ZNF75A: variants seen among roughly 807,000 people sequenced by gnomAD.
The protein encoded by ZNF75A is zinc finger protein 75A.
A neutral mutation model predicts 46.3 loss-of-function variants in ZNF75A; 36 were observed. That is an observed-to-expected ratio of 0.78 (90% confidence interval 0.60 to 1.03). ZNF75A has a LOEUF of 1.03. Ranked by LOEUF, ZNF75A falls within the 50% of genes least tolerant of loss-of-function variation. The probability of loss-of-function intolerance (pLI) is 0.00; values close to 1 mark genes in which losing one functional copy is unlikely to be tolerated. For missense variants in ZNF75A, 595 were observed against 551.3 expected, an observed-to-expected ratio of 1.08 and a Z score of -0.79; for synonymous variants, 234 against 189.9, an observed-to-expected ratio of 1.23 and a Z score of -1.91.
At chr16:3,306,432 G>A (rs1960247312) in intron 1 of ZNF75A, 1 of 152,120 alleles carries the variant, frequency 6.6e-6, no homozygotes, top group Non-Finnish European at 1.5e-5. Flanking sequence ...AATTCATATA[G>A]GCCTGGCGCG....
At position 3,317,833 on chromosome 16, in the gene ZNF75A, G is replaced by A; in HGVS notation, c.1578G>A (p.Arg526=). The change falls in exon 7 of 7, where the codon CGG becomes CGA. Residue 526 remains arginine (R), a synonymous_variant. Transcript: ENST00000669516. ...TATGCAGGAGAAACTTCAGCAGGCG[G>A]TCAAGCCTTCTTAGACACCAGAAAC... The part of the protein sequence containing the change: ...CSICRRNFSR[R]SSLLRHQKLH... The A allele has an allele frequency of 6.2e-7, 1 of 1,613,090 alleles. No homozygotes were observed. Among genetic ancestry groups the A allele is most frequent in the African/African-American group, 1.3e-5 (1 of 75,030 alleles).
intron 5 of ZNF75A, among the ~76,000 whole-genome samples, chr16:3,313,882 C>G (rs115507948): frequency 0.017 from 2,631 of 152,300 alleles, 80 homozygotes; most frequent in African/African-American, 0.06. Flanking sequence ...AGCCCTTGCT[C>G]AGTCCTCACC....
At chr16:3,314,200 G>T (rs1441959268) in intron 5 of ZNF75A, among the ~76,000 whole-genome samples, 2 of 152,042 alleles carry the variant, frequency 1.3e-5, no homozygotes, top group African/African-American at 4.8e-5. Context: ...CTCTTAAAAA[G>T]GTGTCCTATC....
downstream of ZNF75A, among the ~76,000 whole-genome samples, chr16:3,320,420 C>T (rs112303049): frequency 4.6e-5 from 7 of 152,200 alleles, no homozygotes; most frequent in African/African-American, 1.7e-4. Flanking sequence ...TGGACCTTTC[C>T]ATTTTCATTC....
intron 5 of ZNF75A, among the ~76,000 whole-genome samples, chr16:3,313,958 A>G (rs938142704): frequency 2.8e-4 from 43 of 151,948 alleles, no homozygotes; most frequent in African/African-American, 9.7e-4. Context: ...CTCTTGTTTC[A>G]TTTTATTTGG....
chr16:3,308,422 G>A lies in ZNF75A; in HGVS notation c.-7G>A. 1 of 985,896 alleles carries A rather than the reference G, an allele frequency of 1.0e-6. No homozygotes were observed. Among genetic ancestry groups the A allele is most frequent in the Non-Finnish European group, 1.2e-6 (1 of 829,958 alleles). The allele number at this position is 985,896 out of a possible 1,614,324, so 61.1% of individuals were successfully genotyped here. ...CTTAACACAGGAGCAGAACTTCCTAGAGCAGAATGATGATGGTAGATCTGA... is the reference window on the plus strand; with the variant it reads ...CTTAACACAGGAGCAGAACTTCCTAAAGCAGAATGATGATGGTAGATCTGA... On this transcript the variant is annotated 5_prime_UTR_variant, in exon 2 of 7. Transcript: ENST00000669516.
chr16:3,318,272 C>T lies in ZNF75A; in HGVS notation c.*403C>T. ...TGTTCCAGGAACCAAATTGGATTTT[C>T]TTTCTTTTGTCATTGGACACGGTTT... On this transcript the variant is annotated 3_prime_UTR_variant, in exon 7 of 7. Transcript: ENST00000669516. 1.0e-6 allele frequency: 1 copy of T among 990,262 alleles called. No individual in the cohort carries two copies. The highest frequency in any genetic ancestry group is 1.2e-6 in the Non-Finnish European group (1 of 833,428). 61.3% of individuals were successfully genotyped at this position (990,262 alleles called of 1,614,324 possible). A position where few individuals can be genotyped will look rare whatever the true frequency, so the allele number is the denominator to read the frequency against.
downstream of ZNF75A, among the ~76,000 whole-genome samples, chr16:3,320,630 C>T (rs1357650987): frequency 6.6e-6 from 1 of 152,230 alleles, no homozygotes; most frequent in Non-Finnish European, 1.5e-5. Context: ...CCTTATTCCA[C>T]TTCCCTTATT....
At chr16:3,319,957 G>T (rs770010738), downstream of ZNF75A, among the ~76,000 whole-genome samples, 9 of 152,132 alleles carry the variant, frequency 5.9e-5, no homozygotes, top group Non-Finnish European at 1.2e-4. Flanking sequence ...CAGACCTATA[G>T]TGAACTTTGT....
rs1235325961 is a variant in ZNF75A at position 3,318,157 on chromosome 16, T to G, written c.*288T>G. The G allele has an allele frequency of 8.7e-7, 1 of 1,147,210 alleles. No homozygotes were observed. The highest frequency in any genetic ancestry group is 1.6e-5 in the African/African-American group (1 of 62,116). 71.1% of individuals were successfully genotyped at this position (1,147,210 alleles called of 1,614,324 possible). ...TCTTCCAAAACAAAAAGCAGTAACA[T>G]GCATGTTTAATTGCATACCATTCTC... is the stretch of plus-strand genomic sequence containing the variant. On this transcript the variant is annotated 3_prime_UTR_variant, in exon 7 of 7. Coordinates refer to ENST00000669516, the MANE Select transcript of ZNF75A (RefSeq NM_001302109.2).
Position 3,308,676 on chromosome 16 carries a change from C to G in ZNF75A, c.248C>G (p.Ser83Ter). 1 of 990,934 alleles carries G rather than the reference C, an allele frequency of 1.0e-6. No individual in the cohort carries two copies. 61.4% of individuals were successfully genotyped at this position (990,934 alleles called of 1,614,324 possible). ...CHLWLKPEIHSKEQILELLVL... is the reference protein window; with the variant it reads ...CHLWLKPEIH ...CTATGGCTGAAGCCAGAGATCCACT[C>G]AAAAGAGCAGATACTGGAACTGCTG... Residue 83 changes from serine (S) to a stop codon, truncating the protein, a stop_gained, in exon 2 of 7, where the codon TCA becomes TGA. Transcript: ENST00000669516. LOFTEE classifies it high-confidence loss of function.
chr16:3,312,539 G>C (rs1298790098), intron 3 of ZNF75A, 138 bp from the exon 4 acceptor site: 2 of 165,318 alleles, frequency 1.2e-5, no homozygotes, highest in Admixed American at 1.3e-4. Flanking sequence ...TTTATGAAGA[G>C]ACTGCTTCAG....
At chr16:3,311,543 A>C (rs1960797905) in intron 2 of ZNF75A, 2 of 153,548 alleles carry the variant, frequency 1.3e-5, no homozygotes, top group Non-Finnish European at 2.9e-5. Flanking sequence ...GGCAGGCACC[A>C]CAGTTTGTTT....
Position 3,318,020 on chromosome 16 carries a change from G to C in ZNF75A, c.*151G>C, listed in dbSNP as rs1367328886. On this transcript the variant is annotated 3_prime_UTR_variant, in exon 7 of 7. Transcript: ENST00000669516. Reference sequence around the variant, plus strand: ...ATTTCACAGAAAATAATCAAGACTTGCTCTGCAGCCACTCAGTAGTCTTCT... The same window carrying C: ...ATTTCACAGAAAATAATCAAGACTTCCTCTGCAGCCACTCAGTAGTCTTCT... 2 of 1,417,648 alleles carry C rather than the reference G, an allele frequency of 1.4e-6. No homozygotes were observed. The highest frequency in any genetic ancestry group is 2.5e-5 in the East Asian group (1 of 39,572). The allele number at this position is 1,417,648 out of a possible 1,614,324, so 87.8% of individuals were successfully genotyped here.
At chr16:3,311,003 T>A (rs1250315500) in intron 2 of ZNF75A, 2 of 941,736 alleles carry the variant, frequency 2.1e-6, no homozygotes, top group Non-Finnish European at 2.5e-6. Context: ...CTGAAAACCT[T>A]CGCTGGCTAT....
At position 3,313,161 on chromosome 16, in the gene ZNF75A, C is replaced by A. The variant is rs748771832; in HGVS notation, c.809C>A (p.Thr270Asn). Residue 270 changes from threonine (T) to asparagine (N), a missense_variant, in exon 5 of 7, where the codon ACT (threonine) becomes AAT (asparagine). Coordinates refer to ENST00000669516, the MANE Select transcript of ZNF75A (RefSeq NM_001302109.2). ...GATGTAATGCAGGAAAACTATGAGA[C>A]TGTCATCTCTCTAGGTAAAGATTTT... ...YNDVMQENYE[T>N]VISLALFVLP... 5 of 1,613,956 alleles carry A rather than the reference C, an allele frequency of 3.1e-6. No homozygotes were observed. Among genetic ancestry groups the A allele is most frequent in the Non-Finnish European group, 4.2e-6 (5 of 1,179,906 alleles).
rs762982607 is a variant in ZNF75A, at chr16:3,317,463, A to G, written c.1208A>G (p.Lys403Arg). 1.2e-6 allele frequency: 2 copies of G among 1,613,924 alleles called. No homozygotes were observed. The highest frequency in any genetic ancestry group is 1.1e-5 in the South Asian group (1 of 91,060). ...KKDCAREKPFKCQECGKTFRV... is the reference protein window; with the variant it reads ...KKDCAREKPFRCQECGKTFRV... ...GATTGTGCAAGAGAGAAGCCTTTTA[A>G]ATGTCAGGAATGTGGGAAAACCTTC... Residue 403 changes from lysine to arginine, a missense_variant, in exon 7 of 7, where the codon AAA (lysine) becomes AGA (arginine). Physicochemically the swap from Lys to Arg is conservative, Grantham distance 26 (BLOSUM62 2). Transcript: ENST00000669516.
In ZNF75A at chr16:3,308,739, C is replaced by T; in HGVS notation, c.311C>T (p.Thr104Ile). ...TTCCTGACTATTCTGCCCAGGGAGA[C>T]ACAGACCCAGATGCAGAAGCACCAT... ...EQFLTILPRE[T>I]QTQMQKHHPQ... The change falls in exon 2 of 7, where the codon ACA becomes ATA. Residue 104 changes from threonine (T) to isoleucine (I), a missense_variant. Transcript: ENST00000669516. 1 of 989,948 alleles carries T rather than the reference C, an allele frequency of 1.0e-6. No individual in the cohort carries two copies. The highest frequency in any genetic ancestry group is 1.2e-6 in the Non-Finnish European group (1 of 831,720). 61.3% of individuals were successfully genotyped at this position (989,948 alleles called of 1,614,324 possible).
In ZNF75A at chr16:3,318,847, C is replaced by G. The variant is rs183331688; in HGVS notation, c.*978C>G. 4.1e-6 allele frequency: 4 copies of G among 985,356 alleles called. No homozygotes were observed. The highest frequency in any genetic ancestry group is 4.8e-6 in the Non-Finnish European group (4 of 829,896). The allele number at this position is 985,356 out of a possible 1,614,324, so 61.0% of individuals were successfully genotyped here. A position where few individuals can be genotyped will look rare whatever the true frequency, so the allele number is the denominator to read the frequency against. The stretch of plus-strand genomic sequence containing the variant: ...GTTCCCTAAATAAAAGATTTGGGCA[C>G]TGGTGCTAAGTGTTGGGCGAGGATG... On this transcript the variant is annotated 3_prime_UTR_variant, in exon 7 of 7. Transcript: ENST00000669516.
Sources: allele counts gnomAD v4.1 joint callset (sites outside exome capture counted in the v4.1 genomes callset), GRCh38; gene constraint gnomAD v4.1.1; transcripts MANE v1.5; gene names NCBI Gene and HGNC (gene_info 2026-07-23, HGNC 2026-07-21).